The following GRIN2A variants were observed in gnomAD, a reference collection of about 807,000 sequenced individuals.
GRIN2A encodes the protein glutamate receptor ionotropic, NMDA 2A.
GRIN2A carries 22 observed loss-of-function variants against 113.4 expected under a neutral mutation model. The observed-to-expected ratio is 0.19, with a 90% CI of 0.14 to 0.28. The LOEUF (loss-of-function observed/expected upper bound fraction) is 0.28. Among genes scored for constraint, GRIN2A ranks in the 10% least tolerant of loss-of-function variants. The pLI, the probability that GRIN2A is intolerant of heterozygous loss-of-function variation, is 1.00. For missense variants in GRIN2A, 1,502 were observed against 1,887.0 expected (o/e 0.80, Z 3.78); for synonymous variants, 827 against 738.4 (o/e 1.12, Z -1.94).
chr16:10,032,330 G>A (rs1014889920), intron 2 of GRIN2A, among the ~76,000 whole-genome samples: 1 of 152,124 alleles, frequency 6.6e-6, no homozygotes, highest in Admixed American at 6.5e-5. Context: ...AACAACAATT[G>A]GCGCACACTG....
At chr16:10,154,991 A>C (rs1268524537) in intron 2 of GRIN2A, among the ~76,000 whole-genome samples, 3 of 152,236 alleles carry the variant, frequency 2.0e-5, no homozygotes, top group Admixed American at 1.3e-4. Context: ...GCAGGAAATA[A>C]GTTTAAACCG....
At chr16:10,032,559 T>C (rs1302402671) in intron 2 of GRIN2A, among the ~76,000 whole-genome samples, 8 of 152,224 alleles carry the variant, frequency 5.3e-5, no homozygotes, top group African/African-American at 1.4e-4. Flanking sequence ...AAATTAACTT[T>C]CAGCCCTTGC....
chr16:10,020,459 T>C (rs2046698651), intron 2 of GRIN2A, among the ~76,000 whole-genome samples: 1 of 152,176 alleles, frequency 6.6e-6, no homozygotes, highest in Non-Finnish European at 1.5e-5. Context: ...AGATGATCAA[T>C]AAATATAAAA....
chr16:9,871,559 G>C (rs969766831), intron 4 of GRIN2A, among the ~76,000 whole-genome samples: 28 of 152,070 alleles, frequency 1.8e-4, no homozygotes, highest in Non-Finnish European at 4.4e-5. Context: ...CTACGTTCCA[G>C]GCCTCATGCT....
chr16:9,898,054 CTTTTTTTTTTT>C (rs71402414), intron 3 of GRIN2A, among the ~76,000 whole-genome samples: 3 of 109,708 alleles, frequency 2.7e-5, no homozygotes, highest in East Asian at 5.3e-4. Context: ...CCTCCATTTC[CTTTTTTTTTTT>C]TTTTTTTTTT....
intron 3 of GRIN2A, among the ~76,000 whole-genome samples, chr16:9,903,216 C>A (rs940867685): frequency 2.6e-5 from 4 of 152,072 alleles, no homozygotes; most frequent in Admixed American, 2.6e-4. Context: ...TGATCCGCCA[C>A]CTCGGCCTCC....
intron 2 of GRIN2A, among the ~76,000 whole-genome samples, chr16:9,968,758 C>A (rs7197048): frequency 1.3e-5 from 2 of 151,858 alleles, no homozygotes; most frequent in African/African-American, 4.8e-5. Context: ...TAGGTGGGCA[C>A]CACCACACCC....
At chr16:10,175,440 C>G (rs1299406155) in intron 2 of GRIN2A, among the ~76,000 whole-genome samples, 1 of 152,066 alleles carries the variant, frequency 6.6e-6, no homozygotes, top group African/African-American at 2.4e-5. Flanking sequence ...GAGCATGCAA[C>G]TAAATAGATA....
intron 3 of GRIN2A, among the ~76,000 whole-genome samples, chr16:9,911,569 C>T (rs1214573917): frequency 6.6e-6 from 1 of 152,126 alleles, no homozygotes; most frequent in Non-Finnish European, 1.5e-5. Context: ...CATCGAGAGT[C>T]CTGAGCACCA....
At chr16:10,085,817 T>C (rs1362504163) in intron 2 of GRIN2A, among the ~76,000 whole-genome samples, 1 of 152,200 alleles carries the variant, frequency 6.6e-6, no homozygotes, top group Non-Finnish European at 1.5e-5. Flanking sequence ...GGGATCCCCC[T>C]GGCCAAGAAG....
At chr16:9,831,504 TTTTTC>T (rs1371448510) in intron 8 of GRIN2A, among the ~76,000 whole-genome samples, 3 of 149,282 alleles carry the variant, frequency 2.0e-5, no homozygotes, top group Admixed American at 6.8e-5. Context: ...TTGTTTTTTT[TTTTTC>T]TTTTCTTTTT....
At chr16:10,063,406 C>A (rs2034369) in intron 2 of GRIN2A, among the ~76,000 whole-genome samples, 72,155 of 152,028 alleles carry the variant, frequency 0.47, 18,165 homozygotes, top group East Asian at 0.91. Flanking sequence ...CATAGCAAAT[C>A]ACTGTGCATG....
At chr16:9,916,137 T>C (rs955798464) in intron 3 of GRIN2A, among the ~76,000 whole-genome samples, 13 of 152,348 alleles carry the variant, frequency 8.5e-5, no homozygotes, top group East Asian at 5.8e-4. Flanking sequence ...ATCTGTAAAA[T>C]TGGAATAATC....
intron 2 of GRIN2A, among the ~76,000 whole-genome samples, chr16:9,945,043 G>A (rs188462226): frequency 1.7e-4 from 26 of 152,274 alleles, no homozygotes; most frequent in Admixed American, 8.5e-4. Flanking sequence ...ACAATTGGCC[G>A]GGTATGGTGG....
chr16:9,780,553 G>C (rs1346187891), intron 11 of GRIN2A, among the ~76,000 whole-genome samples: 1 of 152,250 alleles, frequency 6.6e-6, no homozygotes, highest in Non-Finnish European at 1.5e-5. Flanking sequence ...TTGATTACTT[G>C]TGGGGGGCAT....
intron 2 of GRIN2A, among the ~76,000 whole-genome samples, chr16:10,051,414 T>C (rs912551951): frequency 2.6e-5 from 4 of 152,168 alleles, no homozygotes; most frequent in African/African-American, 9.7e-5. Flanking sequence ...ACTCCATGGG[T>C]GCAGGGCATT....
chr16:9,999,980 C>T (rs1256512964), intron 2 of GRIN2A, among the ~76,000 whole-genome samples: 2 of 152,112 alleles, frequency 1.3e-5, no homozygotes, highest in Non-Finnish European at 2.9e-5. Flanking sequence ...GATTCCATGT[C>T]TTTGCCTTTC....
chr16:9,839,624 G>A (rs989781143), intron 7 of GRIN2A, among the ~76,000 whole-genome samples: 2 of 152,152 alleles, frequency 1.3e-5, no homozygotes, highest in African/African-American at 4.8e-5. Flanking sequence ...TGTTCTTTGT[G>A]GGATGGAGGA....
chr16:9,853,178 G>A lies in GRIN2A; in HGVS notation c.1123-3217C>T, dbSNP rs371701657. 2.0e-5 allele frequency among the ~76,000 whole-genome samples: 3 copies of A among 152,334 alleles called. No homozygotes were observed. In the East Asian group the frequency reaches 5.8e-4, roughly 29 times the overall value. On this transcript the variant is annotated intron_variant, in intron 4 of 12. Coordinates refer to ENST00000330684, the MANE Select transcript of GRIN2A (RefSeq NM_001134407.3). ...TTGTGGAGGAGCAGAGAAGGAAAGA[G>A]CACTCCAGATAGGTGGAGACCAGAA... is the stretch of plus-strand genomic sequence containing the variant.
Sources: gnomAD v4.1 joint callset for allele counts (sites outside exome capture counted in the v4.1 genomes callset) on GRCh38, gnomAD v4.1.1 for gene constraint, MANE v1.5 for transcripts, NCBI Gene and HGNC (gene_info 2026-07-23, HGNC 2026-07-21) for gene names.